VXN: variants seen among roughly 807,000 people sequenced by gnomAD.
The protein encoded by VXN is uncharacterized protein C8orf46.
VXN carries 7 observed loss-of-function variants against 23.1 expected under a neutral mutation model. The observed-to-expected ratio is 0.30, with a 90% CI of 0.17 to 0.57. VXN has a LOEUF of 0.57. Ranked by LOEUF, VXN falls within the 20% of genes least tolerant of loss-of-function variation. VXN has a pLI of 0.91. For synonymous variants in VXN, 120 were observed against 105.8 expected, an observed-to-expected ratio of 1.13 and a Z score of -0.83; for missense variants, 238 against 272.6, an observed-to-expected ratio of 0.87 and a Z score of 0.89.
intron 2 of VXN, among the ~76,000 whole-genome samples, chr8:66,502,319 A>T (rs1353877038): frequency 6.6e-6 from 1 of 152,228 alleles, no homozygotes; most frequent in Non-Finnish European, 1.5e-5. Context: ...ACGACAATGA[A>T]GATTCGTGGC....
intron 2 of VXN, among the ~76,000 whole-genome samples, chr8:66,504,646 G>C (rs1025785025): frequency 6.6e-6 from 1 of 152,018 alleles, no homozygotes; most frequent in Non-Finnish European, 1.5e-5. Flanking sequence ...TAATTTCCCA[G>C]TATAACTACT....
At chr8:66,514,852 G>T (rs960196709) in intron 5 of VXN, among the ~76,000 whole-genome samples, 1 of 152,080 alleles carries the variant, frequency 6.6e-6, no homozygotes, top group East Asian at 1.9e-4. Flanking sequence ...AAGCAGGCGG[G>T]GCTCCAGACT....
chr8:66,496,457 A>C lies in VXN; in HGVS notation c.91A>C (p.Arg31=). ...TGCAGTATCCAGTCCAGCCAGAAGA[A>C]GAGCCAAAAGCTCTCAGCACCTCTT... ...PSKVSSPARR[R]AKSSQHLLTK... The change falls in exon 2 of 6, where the codon AGA becomes CGA. Residue 31 remains arginine (R), a synonymous_variant. Transcript: ENST00000305454. 1 of 1,614,222 alleles carries C rather than the reference A, an allele frequency of 6.2e-7. No homozygotes were observed. The highest frequency in any genetic ancestry group is 8.5e-7 in the Non-Finnish European group (1 of 1,180,030).
chr8:66,503,063 G>C (rs751228239), intron 2 of VXN, among the ~76,000 whole-genome samples: 1 of 152,082 alleles, frequency 6.6e-6, no homozygotes, highest in Non-Finnish European at 1.5e-5. Flanking sequence ...GCCCAGGCTG[G>C]TCTTGAACTC....
intron 2 of VXN, among the ~76,000 whole-genome samples, chr8:66,502,925 C>T (rs900661139): frequency 3.3e-5 from 5 of 151,438 alleles, no homozygotes; most frequent in African/African-American, 7.3e-5. Flanking sequence ...AAGCTCACTA[C>T]AGCCCCCACC....
intron 4 of VXN, chr8:66,510,458 T>G (rs1807809123): frequency 3.6e-6 from 1 of 281,434 alleles, no homozygotes; most frequent in African/African-American, 2.2e-5. Context: ...CAGGATGGAC[T>G]GGTTTCTATC....
At chr8:66,500,508 C>G (rs1158189459) in intron 2 of VXN, among the ~76,000 whole-genome samples, 4 of 152,042 alleles carry the variant, frequency 2.6e-5, no homozygotes, top group Non-Finnish European at 5.9e-5. Flanking sequence ...TGACTTTTGC[C>G]TATATTTCTC....
intron 4 of VXN, among the ~76,000 whole-genome samples, chr8:66,513,161 G>A (rs1170587194): frequency 6.6e-6 from 1 of 152,250 alleles, no homozygotes; most frequent in Non-Finnish European, 1.5e-5. Flanking sequence ...CTGGACACCA[G>A]TGATGATGGA....
intron 3 of VXN, among the ~76,000 whole-genome samples, chr8:66,508,845 A>G (rs907813032): frequency 8.5e-5 from 13 of 152,160 alleles, no homozygotes; most frequent in African/African-American, 2.9e-4. Flanking sequence ...ACAAACAAAA[A>G]TTAGCCGGGC....
intron 2 of VXN, among the ~76,000 whole-genome samples, chr8:66,499,552 T>C (rs973843509): frequency 5.3e-5 from 8 of 151,500 alleles, no homozygotes; most frequent in Non-Finnish European, 1.0e-4. Flanking sequence ...TGTTTTTTTG[T>C]TTTTTGTTTG....
intron 2 of VXN, among the ~76,000 whole-genome samples, chr8:66,503,853 G>A (rs770626406): frequency 1.3e-5 from 2 of 152,180 alleles, no homozygotes; most frequent in Non-Finnish European, 2.9e-5. Context: ...CCCTGGGACG[G>A]GCCTAACACA....
chr8:66,513,716 C>T lies in VXN; in HGVS notation c.440+79C>T, dbSNP rs774595084. 19 of 1,243,298 alleles carry T rather than the reference C, an allele frequency of 1.5e-5. No individual in the cohort carries two copies. The South Asian group carries it at 1.8e-4, about 12-fold the overall frequency. 77.0% of individuals were successfully genotyped at this position (1,243,298 alleles called of 1,614,324 possible). A position where few individuals can be genotyped will look rare whatever the true frequency, so the allele number is the denominator to read the frequency against. On this transcript the variant is annotated intron_variant, in intron 5 of 5. Transcript: ENST00000305454. The stretch of plus-strand genomic sequence containing the variant: ...TTCCTTCCCCAGAAGAGCACCAGGC[C>T]GCCTGGTTGACAGACCCTCGAGAGG...
chr8:66,496,532 C>T (rs1807628335), intron 2 of VXN, 40 bp downstream of exon 2: 2 of 1,590,424 alleles, frequency 1.3e-6, no homozygotes, highest in Admixed American at 3.3e-5. Context: ...GGTTGACTTT[C>T]ATTTAAAAAG....
intron 4 of VXN, among the ~76,000 whole-genome samples, chr8:66,512,491 G>A (rs1807836151): frequency 6.6e-6 from 1 of 152,190 alleles, no homozygotes; most frequent in Non-Finnish European, 1.5e-5. Context: ...TAGGGCTTAG[G>A]GGGAAGAACA....
At position 66,504,950 on chromosome 8, in the gene VXN, G is replaced by A. The variant is rs1452519962; in HGVS notation, c.127-425G>A. On this transcript the variant is annotated intron_variant, in intron 2 of 5. Coordinates refer to ENST00000305454, the MANE Select transcript of VXN (RefSeq NM_152765.4). The stretch of plus-strand genomic sequence containing the variant: ...AAAAGTTGTCCTCTGCATGAACAAG[G>A]GCGTTGTCCACTCAGCTACAAAGAC... Among the ~76,000 whole-genome samples, 3 of 152,224 alleles carry A rather than the reference G, an allele frequency of 2.0e-5. No homozygotes were observed. The East Asian group carries it at 5.8e-4, about 29-fold the overall frequency.
chr8:66,508,707 G>A (rs1206563522), intron 3 of VXN, among the ~76,000 whole-genome samples: 3 of 152,180 alleles, frequency 2.0e-5, no homozygotes, highest in African/African-American at 7.2e-5. Flanking sequence ...AAGTCAGTTT[G>A]CTACTCCCTA....
Position 66,514,691 on chromosome 8 carries a change from A to C in VXN, c.440+1054A>C, listed in dbSNP as rs143854939. Among the ~76,000 whole-genome samples the C allele has an allele frequency of 7.8e-3, 1,187 of 152,232 alleles. 19 individuals carry two copies. The highest frequency in any genetic ancestry group is 0.027 in the African/African-American group (1,119 of 41,532). Reference sequence around the variant, plus strand: ...GTGATCCCCCTGCCTTGACCTCCCAAAGTGCTGGGATTACAGGCATGAGCC... The same window carrying C: ...GTGATCCCCCTGCCTTGACCTCCCACAGTGCTGGGATTACAGGCATGAGCC... On this transcript the variant is annotated intron_variant, in intron 5 of 5. Coordinates refer to ENST00000305454, the MANE Select transcript of VXN (RefSeq NM_152765.4).
Position 66,518,338 on chromosome 8 carries a change from T to G in VXN, c.*2262T>G, listed in dbSNP as rs966650928. ...GCTCCTTACAACCATTTATTTTAAC[T>G]TATTTCATTTATAACTGGTATCTTT... On this transcript the variant is annotated 3_prime_UTR_variant, in exon 6 of 6. Coordinates refer to ENST00000305454, the MANE Select transcript of VXN (RefSeq NM_152765.4). The G allele has an allele frequency of 6.6e-6, 1 of 152,270 alleles. No homozygotes were observed. Among genetic ancestry groups the G allele is most frequent in the Non-Finnish European group, 1.5e-5 (1 of 68,048 alleles). 9.4% of individuals were successfully genotyped at this position (152,270 alleles called of 1,614,324 possible).
chr8:66,512,931 G>A (rs541197345), intron 4 of VXN, among the ~76,000 whole-genome samples: 1 of 152,234 alleles, frequency 6.6e-6, no homozygotes, highest in Non-Finnish European at 1.5e-5. Flanking sequence ...AGGAGCAGCT[G>A]CAGAGTCAAT....
Sources: allele counts gnomAD v4.1 joint callset (sites outside exome capture counted in the v4.1 genomes callset), GRCh38; gene constraint gnomAD v4.1.1; transcripts MANE v1.5; gene names NCBI Gene and HGNC (gene_info 2026-07-23, HGNC 2026-07-21).